Variants in EPHB1 observed in about 807,000 individuals in gnomAD.
EPHB1 encodes EPH receptor B1, also known as ephrin type-B receptor 1.
A neutral mutation model predicts 94.4 loss-of-function variants in EPHB1; 30 were observed. That is an observed-to-expected ratio of 0.32 (90% CI 0.24 to 0.43). The LOEUF (loss-of-function observed/expected upper bound fraction) is 0.43, where lower values mean the gene tolerates loss of function less well. EPHB1 is among the 20% of genes least tolerant of loss of function. EPHB1 has a pLI of 1.00. For missense variants in EPHB1, 1,055 were observed against 1,308.3 expected, an observed-to-expected ratio of 0.81 and a Z score of 2.99; for synonymous variants, 522 against 489.1, an observed-to-expected ratio of 1.07 and a Z score of -0.89.
chr3:135,048,415 G>A (rs990936077), intron 3 of EPHB1, among the ~76,000 whole-genome samples: 4 of 151,812 alleles, frequency 2.6e-5, no homozygotes, highest in Non-Finnish European at 5.9e-5. Context: ...GACTATGGGT[G>A]TGTGCCACCA....
At chr3:135,053,025 G>GTA (rs1389207071) in intron 3 of EPHB1, among the ~76,000 whole-genome samples, 1,781 of 90,528 alleles carry the variant, frequency 0.02, 75 homozygotes, top group Middle Eastern at 0.042. Flanking sequence ...GTGTGTGTGT[G>GTA]TGTATATATA....
chr3:135,067,874 T>C (rs1937603126), intron 3 of EPHB1: 1 of 152,246 alleles, frequency 6.6e-6, no homozygotes, highest in Admixed American at 6.5e-5. Context: ...CAGCTTCCTC[T>C]ACCCCTGTAT....
intron 3 of EPHB1, among the ~76,000 whole-genome samples, chr3:135,023,048 G>A (rs576072544): frequency 9.5e-4 from 144 of 152,326 alleles, no homozygotes; most frequent in African/African-American, 3.2e-3. Context: ...TCTTGCCTTT[G>A]TGAGATGACG....
chr3:134,931,800 T>C (rs2038908920), intron 2 of EPHB1, among the ~76,000 whole-genome samples: 1 of 152,194 alleles, frequency 6.6e-6, no homozygotes, highest in Non-Finnish European at 1.5e-5. Flanking sequence ...TACATATACA[T>C]GTGTATATAT....
intron 3 of EPHB1, among the ~76,000 whole-genome samples, chr3:134,977,711 A>G (rs1934243270): frequency 6.6e-6 from 1 of 151,994 alleles, no homozygotes; most frequent in African/African-American, 2.4e-5. Context: ...CTGCCTTCTC[A>G]GCTTCTTCTC....
chr3:134,957,247 A>G (rs1933312431), intron 3 of EPHB1, among the ~76,000 whole-genome samples: 1 of 152,178 alleles, frequency 6.6e-6, no homozygotes, highest in Admixed American at 6.5e-5. Flanking sequence ...TATGGCCCAA[A>G]CATGGGGATT....
chr3:134,845,228 G>T (rs773409296), intron 1 of EPHB1, among the ~76,000 whole-genome samples: 49 of 152,184 alleles, frequency 3.2e-4, no homozygotes, highest in Non-Finnish European at 7.3e-5. Context: ...GAAATAAGAT[G>T]CAGAAACCAT....
chr3:134,818,556 C>T (rs1400152118), intron 1 of EPHB1, among the ~76,000 whole-genome samples: 2 of 152,278 alleles, frequency 1.3e-5, no homozygotes, highest in Admixed American at 1.3e-4. Flanking sequence ...ACCCCAAAGT[C>T]CCCAAAATCC....
At position 135,179,885 on chromosome 3, in the gene EPHB1, T is replaced by A; in HGVS notation, c.1785T>A (p.Ile595=). The change falls in exon 10 of 16, where the codon ATT becomes ATA. Residue 595 remains isoleucine, a synonymous_variant. Transcript: ENST00000398015. ...GRGSPGMKIY[I]DPFTYEDPNE... ...GCTCCCCAGGGATGAAGATCTACAT[T>A]GACCCCTTCACTTACGAGGATCCCA... The A allele has an allele frequency of 6.2e-7, 1 of 1,613,912 alleles. No individual in the cohort carries two copies. The highest frequency in any genetic ancestry group is 1.1e-5 in the South Asian group (1 of 91,084).
chr3:135,168,064 A>G (rs1429572706), intron 9 of EPHB1, among the ~76,000 whole-genome samples: 2 of 152,226 alleles, frequency 1.3e-5, no homozygotes, highest in Admixed American at 1.3e-4. Flanking sequence ...TGTTCACAGC[A>G]GCAGCTGCAC....
intron 15 of EPHB1, among the ~76,000 whole-genome samples, chr3:135,253,611 T>C (rs1933229009): frequency 1.3e-5 from 2 of 148,852 alleles, no homozygotes; most frequent in Non-Finnish European, 3.0e-5. Flanking sequence ...TTTTGGTTAC[T>C]GTAGCCTTGT....
chr3:134,899,533 C>G (rs2038155960), intron 1 of EPHB1, among the ~76,000 whole-genome samples: 1 of 152,244 alleles, frequency 6.6e-6, no homozygotes, highest in Non-Finnish European at 1.5e-5. Flanking sequence ...ATTTCTCCTT[C>G]ACTTCCCAAA....
At chr3:135,224,954 G>A (rs1559881539) in intron 12 of EPHB1, among the ~76,000 whole-genome samples, 1 of 152,138 alleles carries the variant, frequency 6.6e-6, no homozygotes, top group Non-Finnish European at 1.5e-5. Flanking sequence ...CTAGTCTAAG[G>A]CCTTTCAGAC....
At chr3:135,208,290 C>CGTGTGTGTGTGT (rs55947191) in intron 12 of EPHB1, among the ~76,000 whole-genome samples, 81 of 142,778 alleles carry the variant, frequency 5.7e-4, no homozygotes, top group East Asian at 3.1e-3. Flanking sequence ...CCTTTCATGA[C>CGTGTGTGTGTGT]GTGTGTGTGT....
At chr3:134,923,045 G>C (rs1437021180) in intron 1 of EPHB1, among the ~76,000 whole-genome samples, 1 of 152,172 alleles carries the variant, frequency 6.6e-6, no homozygotes, top group African/African-American at 2.4e-5. Context: ...ATCATTATTA[G>C]TGCTGTGAAG....
At chr3:135,027,102 A>G in intron 3 of EPHB1, among the ~76,000 whole-genome samples, 1 of 148,344 alleles carries the variant, frequency 6.7e-6, no homozygotes, top group African/African-American at 2.5e-5. Flanking sequence ...TATCAGCTTA[A>G]GGAGATTTTG....
chr3:134,976,277 C>T (rs929499023), intron 3 of EPHB1, among the ~76,000 whole-genome samples: 1 of 152,194 alleles, frequency 6.6e-6, no homozygotes, highest in African/African-American at 2.4e-5. Flanking sequence ...AGAGGAGGCG[C>T]CAAGGACAGG....
At chr3:135,117,905 G>T (rs1208652132) in intron 4 of EPHB1, among the ~76,000 whole-genome samples, 1 of 152,224 alleles carries the variant, frequency 6.6e-6, no homozygotes, top group Non-Finnish European at 1.5e-5. Context: ...GCCAGGTGCA[G>T]GCTGTCTCTT....
At chr3:135,005,168 C>T (rs1202991819) in intron 3 of EPHB1, among the ~76,000 whole-genome samples, 3 of 152,162 alleles carry the variant, frequency 2.0e-5, no homozygotes, top group African/African-American at 7.2e-5. Flanking sequence ...TGTTAGTTTT[C>T]CTTCTAACAG....
Sources: allele counts gnomAD v4.1 joint callset (sites outside exome capture counted in the v4.1 genomes callset), GRCh38; gene constraint gnomAD v4.1.1; transcripts MANE v1.5; gene names NCBI Gene and HGNC (gene_info 2026-07-23, HGNC 2026-07-21).